GALNT17: variants seen among roughly 807,000 people sequenced by gnomAD.
GALNT17 encodes the protein polypeptide N-acetylgalactosaminyltransferase 17.
GALNT17 carries 29 observed loss-of-function variants against 63.7 expected under a neutral mutation model. That is an observed-to-expected ratio of 0.46 (90% CI 0.34 to 0.62). The LOEUF (loss-of-function observed/expected upper bound fraction) is 0.62, where lower values mean the gene tolerates loss of function less well. GALNT17 is among the 20% of genes least tolerant of loss of function. GALNT17 has a pLI of 0.01. For synonymous variants in GALNT17, 305 were observed against 318.3 expected, an observed-to-expected ratio of 0.96 and a Z score of 0.45; for missense variants, 603 against 799.6, an observed-to-expected ratio of 0.75 and a Z score of 2.97.
At chr7:71,321,943 C>CCGTT (rs1563001349) in intron 1 of GALNT17, among the ~76,000 whole-genome samples, 1 of 47,702 alleles carries the variant, frequency 2.1e-5, no homozygotes, top group Non-Finnish European at 4.1e-5. Flanking sequence ...CTCCCTCCCT[C>CCGTT]CCTTCCTTCC....
Position 71,712,944 on chromosome 7 carries a change from CCCAGAGGCTG to C in GALNT17, c.*802_*811del, listed in dbSNP as rs1456824575. Reference sequence around the variant, plus strand: ...GGTCAAGGACCAGGGAGCCCTGACTCCCAGAGGCTGCCACCGGGGAGAAGCAGCGGTCCTC... The same window carrying C: ...GGTCAAGGACCAGGGAGCCCTGACTCCCACCGGGGAGAAGCAGCGGTCCTC... On this transcript the variant is annotated 3_prime_UTR_variant, in exon 11 of 11. Coordinates refer to ENST00000333538, the MANE Select transcript of GALNT17 (RefSeq NM_022479.3). 6.5e-6 allele frequency: 1 copy of C among 152,780 alleles called. No individual in the cohort carries two copies. 9.5% of individuals were successfully genotyped at this position (152,780 alleles called of 1,614,324 possible).
intron 5 of GALNT17, among the ~76,000 whole-genome samples, chr7:71,496,389 G>T (rs1467975629): frequency 6.6e-6 from 1 of 152,020 alleles, no homozygotes; most frequent in African/African-American, 2.4e-5. Flanking sequence ...TTTGAGGGGA[G>T]CATCTTTCTA....
chr7:71,221,741 C>T (rs185905420), intron 1 of GALNT17, among the ~76,000 whole-genome samples: 1 of 152,062 alleles, frequency 6.6e-6, no homozygotes, highest in Admixed American at 6.6e-5. Context: ...ATGTAAGCTT[C>T]ATTTTTAACT....
At chr7:71,201,360 ATGCC>A in intron 1 of GALNT17, among the ~76,000 whole-genome samples, 1 of 151,520 alleles carries the variant, frequency 6.6e-6, no homozygotes, top group East Asian at 2.0e-4. Context: ...CATAATACTG[ATGCC>A]TGCTGAGAAC....
chr7:71,514,602 T>A (rs1010451934), intron 5 of GALNT17, among the ~76,000 whole-genome samples: 4 of 152,186 alleles, frequency 2.6e-5, no homozygotes, highest in Admixed American at 2.0e-4. Flanking sequence ...CCCCAGGACC[T>A]CCATGCCTGT....
rs185223646 is a variant in GALNT17, at chr7:71,675,445, C to T, written c.1405-1766C>T. 7.0e-3 allele frequency among the ~76,000 whole-genome samples: 1,069 copies of T among 152,174 alleles called. 37 individuals carry two copies. The highest frequency in any genetic ancestry group is 0.066 in the Admixed American group (1,007 of 15,252). ...ACGTAAAGCAAATATTCTGTTAAAA[C>T]ATTCATGTCCTTAATATGTAAAGAG... On this transcript the variant is annotated intron_variant, in intron 8 of 10. Transcript: ENST00000333538.
intron 5 of GALNT17, among the ~76,000 whole-genome samples, chr7:71,514,840 C>T (rs1788420059): frequency 6.6e-6 from 1 of 152,152 alleles, no homozygotes; most frequent in Admixed American, 6.5e-5. Context: ...TGTGTCCCCA[C>T]CCAAATCTCA....
At chr7:71,577,265 G>T (rs1348379703) in intron 6 of GALNT17, among the ~76,000 whole-genome samples, 4 of 152,194 alleles carry the variant, frequency 2.6e-5, no homozygotes, top group South Asian at 4.1e-4. Context: ...TGGGTACTAT[G>T]TTCACTACCT....
chr7:71,418,037 G>C (rs1786574529), intron 4 of GALNT17, among the ~76,000 whole-genome samples: 1 of 152,136 alleles, frequency 6.6e-6, no homozygotes, highest in Non-Finnish European at 1.5e-5. Flanking sequence ...CCATATCCCT[G>C]GTGCTGTTCT....
intron 1 of GALNT17, among the ~76,000 whole-genome samples, chr7:71,214,626 G>A (rs1319638059): frequency 1.3e-5 from 2 of 148,354 alleles, no homozygotes; most frequent in African/African-American, 5.0e-5. Flanking sequence ...TGCCCAGGCT[G>A]GAGTGCAGTG....
intron 2 of GALNT17, among the ~76,000 whole-genome samples, chr7:71,375,882 A>G (rs1792712180): frequency 6.6e-6 from 1 of 152,180 alleles, no homozygotes; most frequent in South Asian, 2.1e-4. Flanking sequence ...GTTCACGACC[A>G]GCCTGAACAA....
chr7:71,328,392 C>G (rs559627685), intron 1 of GALNT17, among the ~76,000 whole-genome samples: 6 of 152,294 alleles, frequency 3.9e-5, no homozygotes, highest in African/African-American at 1.4e-4. Context: ...GCTTCTCCCC[C>G]TTTGACTTTG....
chr7:71,218,460 A>G (rs1240612953), intron 1 of GALNT17, among the ~76,000 whole-genome samples: 2 of 152,092 alleles, frequency 1.3e-5, no homozygotes, highest in South Asian at 4.1e-4. Context: ...CCACTCTGCT[A>G]TGTTTCGTGT....
At chr7:71,415,857 T>C (rs766716804) in intron 3 of GALNT17, 32 bp from the exon 4 acceptor site, 1 of 1,555,828 alleles carries the variant, frequency 6.4e-7, no homozygotes, top group Admixed American at 1.9e-5. Flanking sequence ...ATGACATGTT[T>C]ATAGACCTTC....
At chr7:71,560,379 A>G (rs1467677121) in intron 5 of GALNT17, among the ~76,000 whole-genome samples, 1 of 152,032 alleles carries the variant, frequency 6.6e-6, no homozygotes, top group East Asian at 1.9e-4. Flanking sequence ...AACAGGATCC[A>G]TTTGCTTGGG....
chr7:71,198,161 G>A (rs542893139), intron 1 of GALNT17, among the ~76,000 whole-genome samples: 3 of 145,446 alleles, frequency 2.1e-5, no homozygotes, highest in Non-Finnish European at 3.0e-5. Flanking sequence ...TTGTGACATT[G>A]CACTCCAGCC....
At chr7:71,238,287 C>T (rs1789931763) in intron 1 of GALNT17, among the ~76,000 whole-genome samples, 1 of 152,130 alleles carries the variant, frequency 6.6e-6, no homozygotes, top group African/African-American at 2.4e-5. Flanking sequence ...GGGTGGGAGG[C>T]AGGGAAGGTG....
chr7:71,690,395 A>G (rs1414402408), intron 9 of GALNT17, among the ~76,000 whole-genome samples: 1 of 152,086 alleles, frequency 6.6e-6, no homozygotes. Flanking sequence ...TTCCTTTCAC[A>G]ATATCACTGC....
chr7:71,261,983 T>C (rs1790393257), intron 1 of GALNT17, among the ~76,000 whole-genome samples: 1 of 152,206 alleles, frequency 6.6e-6, no homozygotes, highest in Admixed American at 6.5e-5. Context: ...TGAGGGGGTC[T>C]ACATCTTGGG....
Sources: allele counts gnomAD v4.1 joint callset (sites outside exome capture counted in the v4.1 genomes callset), GRCh38; gene constraint gnomAD v4.1.1; transcripts MANE v1.5; gene names NCBI Gene and HGNC (gene_info 2026-07-23, HGNC 2026-07-21).